Variants in PIGU observed in about 807,000 individuals in gnomAD.
PIGU encodes phosphatidylinositol glycan anchor biosynthesis class U.
A neutral mutation model predicts 49.9 loss-of-function variants in PIGU; 24 were observed. The ratio of observed to expected loss-of-function variants is 0.48; its 90% CI spans 0.35 to 0.68. PIGU has a LOEUF of 0.68. PIGU is among the 30% of genes least tolerant of loss of function. The probability of loss-of-function intolerance (pLI) is 0.01; values close to 1 mark genes in which losing one functional copy is unlikely to be tolerated. For synonymous variants in PIGU, 220 were observed against 205.7 expected (o/e 1.07, Z -0.59); for missense variants, 490 against 532.6 (o/e 0.92, Z 0.79).
intron 1 of PIGU, among the ~76,000 whole-genome samples, chr20:34,672,616 G>A (rs1555804647): frequency 1.3e-5 from 2 of 151,982 alleles, no homozygotes; most frequent in Non-Finnish European, 2.9e-5. Flanking sequence ...ACTTTGGGAG[G>A]CCAAGGCAGA....
intron 6 of PIGU, among the ~76,000 whole-genome samples, chr20:34,629,961 G>A (rs1191927730): frequency 6.6e-6 from 1 of 152,138 alleles, no homozygotes; most frequent in African/African-American, 2.4e-5. Context: ...AAATCACTTG[G>A]TGATGTGGAA....
At chr20:34,577,716 AAAACAAACAAAC>A (rs531660705) in intron 10 of PIGU, among the ~76,000 whole-genome samples, 2 of 152,154 alleles carry the variant, frequency 1.3e-5, no homozygotes, top group Admixed American at 6.5e-5. Context: ...ACTCTGTCTC[AAAACAAACAAAC>A]AAACAAACAA....
At chr20:34,652,378 T>A (rs993707329) in intron 2 of PIGU, among the ~76,000 whole-genome samples, 4 of 152,214 alleles carry the variant, frequency 2.6e-5, no homozygotes, top group Non-Finnish European at 5.9e-5. Flanking sequence ...ATATCCATCA[T>A]TCCCAAGTTT....
rs201338299 is a variant in PIGU at position 34,581,533 on chromosome 20, G to T, written c.1051+15C>A. The T allele has an allele frequency of 1.2e-4, 188 of 1,606,908 alleles. No homozygotes were observed. The highest frequency in any genetic ancestry group is 2.2e-5 in the South Asian group (2 of 90,644). On this transcript the variant is annotated intron_variant, in intron 10 of 11. Coordinates refer to ENST00000217446, the MANE Select transcript of PIGU (RefSeq NM_080476.5). The stretch of plus-strand genomic sequence containing the variant: ...CAGGCTGACACAAATCTGTGGCAGA[G>T]GCGGGAGTACTCACATCTGTAGAGA...
At position 34,663,870 on chromosome 20, in the gene PIGU, C is replaced by T. The variant is rs561559593; in HGVS notation, c.131-6626G>A. On this transcript the variant is annotated intron_variant, in intron 1 of 11. Transcript: ENST00000217446. ...AGCAACTCTACAGGGCACCAGTATG[C>T]GGCCGTCCAGGCACATCACTCTCCA... Among the ~76,000 whole-genome samples the T allele has an allele frequency of 2.2e-4, 34 of 152,336 alleles. No individual in the cohort carries two copies. In the South Asian group the frequency reaches 6.4e-3, roughly 29 times the overall value.
chr20:34,640,064 C>T (rs1683409361), intron 4 of PIGU, among the ~76,000 whole-genome samples: 1 of 152,126 alleles, frequency 6.6e-6, no homozygotes, highest in Non-Finnish European at 1.5e-5. Flanking sequence ...TAGAGTTCAT[C>T]CAGGGGCAGC....
chr20:34,626,169 GCTTT>G (rs1224946224), intron 6 of PIGU, among the ~76,000 whole-genome samples: 1 of 151,738 alleles, frequency 6.6e-6, no homozygotes, highest in Non-Finnish European at 1.5e-5. Context: ...GTACCATAAA[GCTTT>G]CTGTCTTTAT....
chr20:34,571,179 C>T (rs895076051), intron 11 of PIGU, among the ~76,000 whole-genome samples: 4 of 152,222 alleles, frequency 2.6e-5, no homozygotes, highest in African/African-American at 9.6e-5. Context: ...CTCTCACACT[C>T]AGGCGCACCC....
chr20:34,603,861 GACAC>G (rs142929319), intron 7 of PIGU, among the ~76,000 whole-genome samples: 15 of 143,874 alleles, frequency 1.0e-4, no homozygotes, highest in East Asian at 4.1e-4. Flanking sequence ...TTAGTGGACA[GACAC>G]ACACACACAC....
chr20:34,672,572 G>T (rs560193867), intron 1 of PIGU, among the ~76,000 whole-genome samples: 4 of 152,208 alleles, frequency 2.6e-5, no homozygotes, highest in African/African-American at 9.6e-5. Context: ...AAAAAAAGAG[G>T]TCAGGCATGG....
Position 34,642,889 on chromosome 20 carries a change from G to A in PIGU, c.318+1275C>T, listed in dbSNP as rs1275110270. The stretch of plus-strand genomic sequence containing the variant: ...TCTTATGCCTCAGCCTCCCAAGTAG[G>A]TGGGATTACAGGTGCACACCATCAC... On this transcript the variant is annotated intron_variant, in intron 4 of 11. Coordinates refer to ENST00000217446, the MANE Select transcript of PIGU (RefSeq NM_080476.5). Among the ~76,000 whole-genome samples the A allele has an allele frequency of 2.6e-5, 4 of 151,266 alleles. No homozygotes were observed. In the East Asian group the frequency reaches 7.8e-4, roughly 29 times the overall value.
At position 34,628,677 on chromosome 20, in the gene PIGU, CT is replaced by C. The variant is rs1314970063; in HGVS notation, c.529+5937del. Among the ~76,000 whole-genome samples the C allele has an allele frequency of 2.6e-5, 4 of 152,192 alleles. No individual in the cohort carries two copies. The East Asian group carries it at 5.8e-4, about 22-fold the overall frequency. On this transcript the variant is annotated intron_variant, in intron 6 of 11. Transcript: ENST00000217446. ...ACCAGCCTGACCAACATGGTGAAAT[CT>C]TGTCTCTGCTAAAAATGCAAAAATT... is the stretch of plus-strand genomic sequence containing the variant.
At chr20:34,574,666 C>T (rs1017871545) in intron 11 of PIGU, among the ~76,000 whole-genome samples, 1 of 152,154 alleles carries the variant, frequency 6.6e-6, no homozygotes, top group African/African-American at 2.4e-5. Context: ...CCTCCCCTTG[C>T]CTTGCCCTCT....
intron 7 of PIGU, among the ~76,000 whole-genome samples, chr20:34,614,548 C>G (rs1245441362): frequency 6.6e-6 from 1 of 150,962 alleles, no homozygotes; most frequent in Non-Finnish European, 1.5e-5. Flanking sequence ...TCGATTGAGC[C>G]TGGGAGATGG....
chr20:34,613,280 T>C (rs756150126), intron 7 of PIGU, among the ~76,000 whole-genome samples: 13 of 152,204 alleles, frequency 8.5e-5, no homozygotes, highest in Admixed American at 1.3e-4. Flanking sequence ...GCAATCTTCC[T>C]GGAGCACTCA....
At chr20:34,570,926 G>C (rs1433200514) in intron 11 of PIGU, among the ~76,000 whole-genome samples, 2 of 152,182 alleles carry the variant, frequency 1.3e-5, no homozygotes, top group Non-Finnish European at 2.9e-5. Context: ...TTCATGGACT[G>C]TCTCTCCAGG....
At chr20:34,672,193 G>A (rs371430056) in intron 1 of PIGU, among the ~76,000 whole-genome samples, 2 of 151,992 alleles carry the variant, frequency 1.3e-5, no homozygotes, top group East Asian at 3.9e-4. Context: ...CTCCCGCCTC[G>A]GCCTCCCAAA....
In PIGU at chr20:34,621,790, C is replaced by T. The variant is rs1180218553; in HGVS notation, c.530-5651G>A. Among the ~76,000 whole-genome samples, 4 of 152,152 alleles carry T rather than the reference C, an allele frequency of 2.6e-5. No individual in the cohort carries two copies. In the South Asian group the frequency reaches 6.2e-4, roughly 24 times the overall value. On this transcript the variant is annotated intron_variant, in intron 6 of 11. Transcript: ENST00000217446. ...AAACATTTCTGGAGTTTGCTCTATA[C>T]GAAGAGTGTGATGGGTGCCAGGAAA...
chr20:34,562,441 G>A lies in PIGU; in HGVS notation c.1195-1462C>T. The A allele has an allele frequency of 2.3e-6, 3 of 1,288,616 alleles. No homozygotes were observed. In the South Asian group the frequency reaches 3.7e-5, roughly 16 times the overall value. The allele number at this position is 1,288,616 out of a possible 1,614,324, so 79.8% of individuals were successfully genotyped here. ...CTGGGCAGCTTCTCACTGACCTGAA[G>A]GTAACACAACAGCAGCTAAGGAGAG... On this transcript the variant is annotated intron_variant, in intron 11 of 11. Coordinates refer to ENST00000217446, the MANE Select transcript of PIGU (RefSeq NM_080476.5).
Sources: gnomAD v4.1 joint callset for allele counts (sites outside exome capture counted in the v4.1 genomes callset) on GRCh38, gnomAD v4.1.1 for gene constraint, MANE v1.5 for transcripts, NCBI Gene and HGNC (gene_info 2026-07-23, HGNC 2026-07-21) for gene names.